The following PMPCA variants were observed in gnomAD, a reference collection of about 807,000 sequenced individuals.
The protein encoded by PMPCA is mitochondrial-processing peptidase subunit alpha.
A neutral mutation model predicts 59.3 loss-of-function variants in PMPCA; 47 were observed. That is an observed-to-expected ratio of 0.79 (90% confidence interval 0.63 to 1.01). The LOEUF is 1.01. PMPCA is among the 50% of genes least tolerant of loss of function. The pLI is 0.00. For synonymous variants in PMPCA, 338 were observed against 290.3 expected, an observed-to-expected ratio of 1.16 and a Z score of -1.67; for missense variants, 726 against 704.5, an observed-to-expected ratio of 1.03 and a Z score of -0.34.
At chr9:136,415,700 T>G (rs1425021794) in intron 5 of PMPCA, among the ~76,000 whole-genome samples, 1 of 152,244 alleles carries the variant, frequency 6.6e-6, no homozygotes, top group Non-Finnish European at 1.5e-5. Context: ...TGGCGCGATC[T>G]CGGCTCACTG....
rs1835175143 is a variant in PMPCA, at chr9:136,412,907, G to A, written c.437+15G>A. On this transcript the variant is annotated intron_variant, in intron 4 of 12. Transcript: ENST00000371717. ...CAGACATCAAGGTACACCAGCTTTTGTGTACAAACTGACTTTGGGTCCTTG... is the reference window on the plus strand; with the variant it reads ...CAGACATCAAGGTACACCAGCTTTTATGTACAAACTGACTTTGGGTCCTTG... 1 of 1,486,158 alleles carries A rather than the reference G, an allele frequency of 6.7e-7. No individual in the cohort carries two copies. The highest frequency in any genetic ancestry group is 2.3e-5 in the East Asian group (1 of 44,312). The allele number at this position is 1,486,158 out of a possible 1,614,324, so 92.1% of individuals were successfully genotyped here. A position where few individuals can be genotyped will look rare whatever the true frequency, so the allele number is the denominator to read the frequency against.
intron 6 of PMPCA, chr9:136,416,686 G>A (rs1345939550): frequency 1.2e-5 from 7 of 589,670 alleles, no homozygotes; most frequent in Admixed American, 3.0e-5. Flanking sequence ...TTTATACAAT[G>A]TTCGTATTTT....
chr9:136,422,502 G>A (rs1554791137), intron 12 of PMPCA: 16 of 1,028,862 alleles, frequency 1.6e-5, no homozygotes, highest in East Asian at 9.3e-5. Context: ...TGCCTATTAC[G>A]TTGGGGTGGC....
In PMPCA at chr9:136,412,171, T is replaced by A; in HGVS notation, c.246T>A (p.Asn82Lys). 6.2e-7 allele frequency: 1 copy of A among 1,613,998 alleles called. No individual in the cohort carries two copies. Among genetic ancestry groups the A allele is most frequent in the Non-Finnish European group, 8.5e-7 (1 of 1,179,896 alleles). ...ATGGGCTTCGCGTGGCATCTCAGAA[T>A]AAGTTTGGACAGTTTTGTACAGTAG... ...LDNGLRVASQ[N>K]KFGQFCTVGI... Residue 82 changes from asparagine to lysine, a missense_variant, in exon 2 of 13, where the codon AAT becomes AAA. Coordinates refer to ENST00000371717, the MANE Select transcript of PMPCA (RefSeq NM_015160.3).
intron 11 of PMPCA, chr9:136,419,399 G>A (rs377370706): frequency 4.3e-5 from 23 of 529,452 alleles, no homozygotes; most frequent in Admixed American, 2.5e-4. Flanking sequence ...TGGGTGAGTC[G>A]TGGGACTGAC....
rs1167746539 is a variant in PMPCA, at chr9:136,416,931, C to T, written c.634-20C>T. 27 of 1,594,460 alleles carry T rather than the reference C, an allele frequency of 1.7e-5. No individual in the cohort carries two copies. The Admixed American group carries it at 4.5e-4, about 27-fold the overall frequency. On this transcript the variant is annotated intron_variant, in intron 6 of 12. Coordinates refer to ENST00000371717, the MANE Select transcript of PMPCA (RefSeq NM_015160.3). Reference sequence around the variant, plus strand: ...TCATGCTGTCTTCAGTCACCTGTGTCTGTGGCTCTTCCCCATTAGGCGGCT... The same window carrying T: ...TCATGCTGTCTTCAGTCACCTGTGTTTGTGGCTCTTCCCCATTAGGCGGCT...
intron 11 of PMPCA, 95 bp downstream of exon 11, chr9:136,419,201 G>A (rs1464617349): frequency 8.7e-7 from 1 of 1,153,844 alleles, no homozygotes; most frequent in African/African-American, 1.5e-5. Flanking sequence ...CCTGGTCCCT[G>A]AGCCTCAGGG....
rs770730429 is a variant in PMPCA at position 136,416,322 on chromosome 9, C to G, written c.564C>G (p.Val188=). The G allele has an allele frequency of 1.9e-6, 3 of 1,613,864 alleles. No homozygotes were observed. Among genetic ancestry groups the G allele is most frequent in the African/African-American group, 2.7e-5 (2 of 75,022 alleles). Residue 188 remains valine, a synonymous_variant, in exon 6 of 13, where the codon GTC becomes GTG. Coordinates refer to ENST00000371717, the MANE Select transcript of PMPCA (RefSeq NM_015160.3). The part of the protein sequence containing the change: ...DEEVEMTRMA[V]QFELEDLNLR... ...AAGTCGAGATGACGCGGATGGCGGT[C>G]CAGTTTGAGCTGGAGGACCTGAACC...
At position 136,412,055 on chromosome 9, in the gene PMPCA, C is replaced by G. The variant is rs764833191; in HGVS notation, c.130C>G (p.Leu44Val). 8.7e-6 allele frequency: 14 copies of G among 1,613,412 alleles called. No homozygotes were observed. The highest frequency in any genetic ancestry group is 1.2e-5 in the Non-Finnish European group (14 of 1,179,472). ...SSGGAYPNIP[L>V]SSPLPGVPKP... ...TGGTGGTGCCTATCCCAACATCCCC[C>G]TCTCTTCTCCCTTACCTGGAGTACC... is the stretch of plus-strand genomic sequence containing the variant. The change falls in exon 2 of 13, where the codon CTC becomes GTC. Residue 44 changes from leucine to valine, a missense_variant. Transcript: ENST00000371717.
Position 136,421,992 on chromosome 9 carries a change from G to A in PMPCA, c.1408+16G>A. The A allele has an allele frequency of 1.3e-6, 2 of 1,599,806 alleles. No individual in the cohort carries two copies. Among genetic ancestry groups the A allele is most frequent in the Non-Finnish European group, 1.7e-6 (2 of 1,173,200 alleles). ...ACGCTCATCCGTGAGTACCGCAGGG[G>A]TAGTGAGGGGCTGCCGCAGGCCTCG... On this transcript the variant is annotated intron_variant, in intron 12 of 12. Transcript: ENST00000371717.
intron 7 of PMPCA, 83 bp from the exon 8 acceptor site, chr9:136,417,934 C>A: frequency 1.0e-6 from 1 of 984,270 alleles, no homozygotes; most frequent in Non-Finnish European, 1.6e-6. Flanking sequence ...TCTGTGTAAC[C>A]ACTCTGAAGA....
chr9:136,419,985 C>G (rs1461434977), intron 11 of PMPCA: 2 of 148,564 alleles, frequency 1.3e-5, no homozygotes, highest in Non-Finnish European at 3.0e-5. Context: ...AAGTTTTATA[C>G]ACACACTTTT....
At chr9:136,410,976 CCGGGTCGA>C in intron 1 of PMPCA, 3 of 393,674 alleles carry the variant, frequency 7.6e-6, no homozygotes, top group Non-Finnish European at 1.3e-5. Flanking sequence ...CCCTCACTTC[CCGGGTCGA>C]CGGGCCTTCT....
intron 7 of PMPCA, 80 bp from the exon 8 acceptor site, chr9:136,417,937 T>G: frequency 9.9e-7 from 1 of 1,010,160 alleles, no homozygotes; most frequent in South Asian, 1.3e-5. Flanking sequence ...GTGTAACCAC[T>G]CTGAAGATGA....
chr9:136,418,815 C>G lies in PMPCA; in HGVS notation c.1110-13C>G, dbSNP rs370448083. On this transcript the variant is annotated splice_polypyrimidine_tract_variant and intron_variant, in intron 9 of 12. Coordinates refer to ENST00000371717, the MANE Select transcript of PMPCA (RefSeq NM_015160.3). ...GAGTCCCCTTCACTCCCATGACTCTCGCTTCCTCCCAGGCACCACTGGATG... is the reference window on the plus strand; with the variant it reads ...GAGTCCCCTTCACTCCCATGACTCTGGCTTCCTCCCAGGCACCACTGGATG... 6.2e-7 allele frequency: 1 copy of G among 1,601,950 alleles called. No individual in the cohort carries two copies. The highest frequency in any genetic ancestry group is 2.2e-5 in the East Asian group (1 of 44,838).
chr9:136,419,632 G>T, intron 11 of PMPCA: 1 of 167,546 alleles, frequency 6.0e-6, no homozygotes, highest in Non-Finnish European at 1.3e-5. Flanking sequence ...ACCCAGGCTG[G>T]AGTGCAGTAG....
intron 1 of PMPCA, chr9:136,411,520 T>TG (rs1835114969): frequency 5.7e-6 from 1 of 176,826 alleles, no homozygotes; most frequent in African/African-American, 2.4e-5. Context: ...TTGGGGTTGA[T>TG]GAGTCAAATG....
chr9:136,418,644 C>G lies in PMPCA; in HGVS notation c.1080C>G (p.Phe360Leu). Residue 360 changes from phenylalanine to leucine, a missense_variant, in exon 9 of 13, where the codon TTC (phenylalanine) becomes TTG (leucine). By Grantham distance (22) the Phe-to-Leu change is conservative. Transcript: ENST00000371717. ...FSAGGPGKGMFSRLYLNVLNR... is the reference protein window; with the variant it reads ...FSAGGPGKGMLSRLYLNVLNR... ...CTGGTGGGCCCGGCAAGGGCATGTT[C>G]TCCAGGCTCTACCTCAACGTGCTCA... is the stretch of plus-strand genomic sequence containing the variant. 6.2e-7 allele frequency: 1 copy of G among 1,612,664 alleles called. No individual in the cohort carries two copies. Among genetic ancestry groups the G allele is most frequent in the Non-Finnish European group, 8.5e-7 (1 of 1,178,592 alleles).
At chr9:136,412,223 G>A (rs781044200) in intron 2 of PMPCA, 24 bp downstream of exon 2, 2 of 1,549,138 alleles carry the variant, frequency 1.3e-6, no homozygotes, top group Non-Finnish European at 1.8e-6. Context: ...TGTTGTCGTG[G>A]GTGGTCCCGC....
Sources: gnomAD v4.1 joint callset for allele counts (sites outside exome capture counted in the v4.1 genomes callset) on GRCh38, gnomAD v4.1.1 for gene constraint, MANE v1.5 for transcripts, NCBI Gene and HGNC (gene_info 2026-07-23, HGNC 2026-07-21) for gene names.